Variants in ERCC4 observed in about 807,000 individuals in gnomAD.
ERCC4 encodes the protein DNA repair endonuclease XPF.
A neutral mutation model predicts 76.9 loss-of-function variants in ERCC4; 65 were observed. That is an observed-to-expected ratio of 0.84 (90% confidence interval 0.69 to 1.04). The LOEUF (loss-of-function observed/expected upper bound fraction) is 1.04. ERCC4 is among the 50% of genes least tolerant of loss of function. The probability of loss-of-function intolerance (pLI) is 0.00; values close to 1 mark genes in which losing one functional copy is unlikely to be tolerated. For missense variants in ERCC4, 1,214 were observed against 1,128.2 expected, an observed-to-expected ratio of 1.08 and a Z score of -1.09; for synonymous variants, 463 against 410.1, an observed-to-expected ratio of 1.13 and a Z score of -1.56.
At chr16:13,936,793 AC>A (rs1567248801) in intron 8 of ERCC4, among the ~76,000 whole-genome samples, 1 of 152,246 alleles carries the variant, frequency 6.6e-6, no homozygotes, top group Non-Finnish European at 1.5e-5. Flanking sequence ...TAAAAGAAAA[AC>A]CAAGGCTCAA....
At chr16:13,929,714 C>G (rs2032136989) in intron 4 of ERCC4, among the ~76,000 whole-genome samples, 1 of 152,142 alleles carries the variant, frequency 6.6e-6, no homozygotes, top group South Asian at 2.1e-4. Context: ...GCCTGTAATC[C>G]CAGCACTTTG....
intron 10 of ERCC4, 127 bp downstream of exon 10, chr16:13,944,962 G>T: frequency 1.5e-6 from 1 of 650,758 alleles, no homozygotes; most frequent in South Asian, 1.7e-5. Context: ...CCAAGGAGAG[G>T]ATGTGTACTT....
At chr16:13,942,157 A>T (rs1371557722) in intron 9 of ERCC4, among the ~76,000 whole-genome samples, 1 of 152,248 alleles carries the variant, frequency 6.6e-6, no homozygotes, top group East Asian at 1.9e-4. Context: ...TAGGAATCTG[A>T]ATTTTTTAAT....
Position 13,930,781 on chromosome 16 carries a change from G to T in ERCC4, c.864G>T (p.Leu288Phe). The change falls in exon 5 of 11, where the codon TTG (leucine) becomes TTT (phenylalanine). Residue 288 changes from leucine (L) to phenylalanine (F), a missense_variant. By Grantham distance (22) the Leu-to-Phe change is conservative. Coordinates refer to ENST00000311895, the MANE Select transcript of ERCC4 (RefSeq NM_005236.3). ...GAKTKSLVQD[L>F]KILRTLLQYL... ...AGACTAAATCCTTAGTTCAGGATTT[G>T]AAGATATTACGAACTTTGCTGCAGT... The T allele has an allele frequency of 6.2e-7, 1 of 1,611,562 alleles. No homozygotes were observed. The highest frequency in any genetic ancestry group is 1.1e-5 in the South Asian group (1 of 91,018).
rs768640061 is a variant in ERCC4, at chr16:13,935,369, T to C, written c.1437T>C (p.Ser479=). The change falls in exon 8 of 11, where the codon TCT becomes TCC. Residue 479 remains serine (S), a synonymous_variant. Transcript: ENST00000311895. ...PKDPQNKERA[S]TKERTLKKKK... is the part of the protein sequence containing the mutation. ...ACCCCCAAAACAAAGAACGGGCTTC[T>C]ACCAAAGAAAGAACCCTCAAAAAGA... 6 of 1,607,818 alleles carry C rather than the reference T, an allele frequency of 3.7e-6. No individual in the cohort carries two copies. The South Asian group carries it at 5.6e-5, about 15-fold the overall frequency.
At chr16:13,943,036 A>C (rs535445180) in intron 9 of ERCC4, among the ~76,000 whole-genome samples, 2 of 152,290 alleles carry the variant, frequency 1.3e-5, no homozygotes, top group African/African-American at 4.8e-5. Flanking sequence ...AAAACATGGA[A>C]CTGAAACCAT....
chr16:13,933,839 G>A (rs746006897), intron 6 of ERCC4: 106 of 178,848 alleles, frequency 5.9e-4, no homozygotes, highest in Admixed American at 2.0e-3. Context: ...GAAAGTCATG[G>A]GGATTTTAGA....
chr16:13,932,279 G>C lies in ERCC4; in HGVS notation c.1096G>C (p.Gly366Arg). The change falls in exon 6 of 11, where the codon GGG becomes CGG. Residue 366 changes from glycine (G) to arginine (R), a missense_variant. By Grantham distance (125) the Gly-to-Arg change is moderately radical (BLOSUM62 -2). Transcript: ENST00000311895. ...KISEKMEIKEGEETKKELVLE... is the reference protein window; with the variant it reads ...KISEKMEIKEREETKKELVLE... Reference sequence around the variant, plus strand: ...ATCTGAAAAAATGGAAATTAAAGAAGGGGAAGGTATCTTGTGGGGTTAAGT... The same window carrying C: ...ATCTGAAAAAATGGAAATTAAAGAACGGGAAGGTATCTTGTGGGGTTAAGT... 1 of 1,610,500 alleles carries C rather than the reference G, an allele frequency of 6.2e-7. No individual in the cohort carries two copies. The highest frequency in any genetic ancestry group is 8.5e-7 in the Non-Finnish European group (1 of 1,177,480).
intron 2 of ERCC4, 32 bp downstream of exon 2, chr16:13,922,243 A>C: frequency 7.1e-7 from 1 of 1,413,728 alleles, no homozygotes; most frequent in Admixed American, 1.8e-5. Flanking sequence ...ATTAGTATGT[A>C]AATTTGTACT....
chr16:13,929,191 C>T (rs2032126138), intron 4 of ERCC4, among the ~76,000 whole-genome samples: 2 of 151,964 alleles, frequency 1.3e-5, no homozygotes, highest in Non-Finnish European at 2.9e-5. Context: ...TTGATTATCC[C>T]CCGGTTAGTA....
At position 13,951,477 on chromosome 16, in the gene ERCC4, T is replaced by C. The variant is rs189232031; in HGVS notation, c.*3130T>C. On this transcript the variant is annotated 3_prime_UTR_variant, in exon 11 of 11. Transcript: ENST00000311895. The stretch of plus-strand genomic sequence containing the variant: ...TTAAAATTGTGCAAGAAGAAATCAT[T>C]TTTAGTAGTGGTCATAAATATTATC... 59 of 209,326 alleles carry C rather than the reference T, an allele frequency of 2.8e-4. No individual in the cohort carries two copies. Among genetic ancestry groups the C allele is most frequent in the Non-Finnish European group, 5.0e-4 (51 of 102,962 alleles). The allele number at this position is 209,326 out of a possible 1,614,324, so 13.0% of individuals were successfully genotyped here.
rs762355362 is a variant in ERCC4 at position 13,937,853 on chromosome 16, CATAAG to C, written c.1900_1904del (p.Ile634GlyfsTer9). 1 of 1,604,168 alleles carries C rather than the reference CATAAG, an allele frequency of 6.2e-7. No homozygotes were observed. Among genetic ancestry groups the C allele is most frequent in the Non-Finnish European group, 8.5e-7 (1 of 1,171,102 alleles). On this transcript the variant is annotated frameshift_variant and splice_region_variant, in exon 9 of 11. Coordinates refer to ENST00000311895, the MANE Select transcript of ERCC4 (RefSeq NM_005236.3). LOFTEE classifies it high-confidence loss of function. Reference sequence around the variant, plus strand: ...AAGAAAAGGAAGCTTTTGAAAAACTCATAAGGTAATACATAGAAAATCAGTATGAA... The same window carrying C: ...AAGAAAAGGAAGCTTTTGAAAAACTCGTAATACATAGAAAATCAGTATGAA...
Position 13,950,807 on chromosome 16 carries a change from A to T in ERCC4, c.*2460A>T, listed in dbSNP as rs2032616360. On this transcript the variant is annotated 3_prime_UTR_variant, in exon 11 of 11. Coordinates refer to ENST00000311895, the MANE Select transcript of ERCC4 (RefSeq NM_005236.3). ...TAGCATATTCTATGAAAGGGGTTTC[A>T]TTCCAAGTTGAGTTTTCAAAAAAAA... 1 of 194,172 alleles carries T rather than the reference A, an allele frequency of 5.2e-6. No individual in the cohort carries two copies. The highest frequency in any genetic ancestry group is 1.1e-5 in the Non-Finnish European group (1 of 93,124). The allele number at this position is 194,172 out of a possible 1,614,324, so 12.0% of individuals were successfully genotyped here.
rs1567248147 is a variant in ERCC4 at position 13,935,583 on chromosome 16, C to G, written c.1651C>G (p.Leu551Val). 1 of 1,614,170 alleles carries G rather than the reference C, an allele frequency of 6.2e-7. No homozygotes were observed. Among genetic ancestry groups the G allele is most frequent in the Non-Finnish European group, 8.5e-7 (1 of 1,180,028 alleles). Residue 551 changes from leucine to valine, a missense_variant, in exon 8 of 11, where the codon CTC (leucine) becomes GTC (valine). By Grantham distance (32) the Leu-to-Val change is conservative. Coordinates refer to ENST00000311895, the MANE Select transcript of ERCC4 (RefSeq NM_005236.3). ...TGCTTTCGGAATCCTGAAAGAACCC[C>G]TCACTATCATCCATCCGCTTCTGGG... The part of the protein sequence containing the change: ...DAAFGILKEP[L>V]TIIHPLLGCS...
intron 9 of ERCC4, among the ~76,000 whole-genome samples, chr16:13,939,429 G>A (rs2032370406): frequency 6.6e-6 from 1 of 152,110 alleles, no homozygotes; most frequent in African/African-American, 2.4e-5. Flanking sequence ...GGCTGCAAAG[G>A]TAAAAGAAGA....
In ERCC4 at chr16:13,935,260, A is replaced by T; in HGVS notation, c.1328A>T (p.Asp443Val). 1 of 1,614,100 alleles carries T rather than the reference A, an allele frequency of 6.2e-7. No individual in the cohort carries two copies. The highest frequency in any genetic ancestry group is 1.1e-5 in the South Asian group (1 of 91,084). The change falls in exon 8 of 11, where the codon GAT (aspartate) becomes GTT (valine). Residue 443 changes from aspartate to valine, a missense_variant. Asp to Val is a radical substitution (Grantham distance 152). Coordinates refer to ENST00000311895, the MANE Select transcript of ERCC4 (RefSeq NM_005236.3). ...CTCTACAGGAAAACCTTTGAGAAGG[A>T]TAGCAAAGCTGAAGAAGTCTGGATG... Reference protein sequence around the residue: ...LRLYRKTFEKDSKAEEVWMKF... With the variant: ...LRLYRKTFEKVSKAEEVWMKF...
chr16:13,932,362 G>A, intron 6 of ERCC4, 77 bp downstream of exon 6: 1 of 1,338,348 alleles, frequency 7.5e-7, no homozygotes, highest in East Asian at 2.3e-5. Flanking sequence ...GCAATTTAAA[G>A]TCTTCTTTGG....
chr16:13,935,866 C>G, intron 8 of ERCC4, 123 bp downstream of exon 8: 3 of 818,282 alleles, frequency 3.7e-6, no homozygotes, highest in Non-Finnish European at 6.3e-6. Context: ...TTTATGAAAC[C>G]TTATTTTGCT....
At chr16:13,920,582 A>G (rs1350679717) in intron 1 of ERCC4, among the ~76,000 whole-genome samples, 2 of 150,702 alleles carry the variant, frequency 1.3e-5, no homozygotes, top group African/African-American at 2.4e-5. Context: ...AGGGGTCGCT[A>G]GGAGGATACC....
Sources: allele counts gnomAD v4.1 joint callset (sites outside exome capture counted in the v4.1 genomes callset), GRCh38; gene constraint gnomAD v4.1.1; transcripts MANE v1.5; gene names NCBI Gene and HGNC (gene_info 2026-07-23, HGNC 2026-07-21).